EIF2B3: variants seen among roughly 807,000 people sequenced by gnomAD.
EIF2B3 encodes the protein translation initiation factor eIF2B subunit gamma.
Under a neutral mutation model 54.1 loss-of-function variants are expected in EIF2B3, and 20 were observed. The observed-to-expected ratio is 0.37, with a 90% CI of 0.26 to 0.54. EIF2B3 has a LOEUF of 0.54. EIF2B3 is among the 20% of genes least tolerant of loss of function. The pLI is 0.86. For missense variants in EIF2B3, 448 were observed against 547.8 expected, an observed-to-expected ratio of 0.82 and a Z score of 1.82; for synonymous variants, 153 against 188.1, an observed-to-expected ratio of 0.81 and a Z score of 1.52.
At chr1:44,968,353 C>T (rs1002455152) in intron 3 of EIF2B3, among the ~76,000 whole-genome samples, 5 of 146,928 alleles carry the variant, frequency 3.4e-5, no homozygotes, top group South Asian at 2.1e-4. Flanking sequence ...CAGAGTGAGA[C>T]TCTGCCTCTT....
At chr1:44,906,817 A>G (rs1434183579) in intron 5 of EIF2B3, among the ~76,000 whole-genome samples, 2 of 152,196 alleles carry the variant, frequency 1.3e-5, no homozygotes, top group African/African-American at 4.8e-5. Context: ...TGACATCTAT[A>G]TATTAATGCT....
chr1:44,870,928 A>G (rs2148899411), intron 10 of EIF2B3, among the ~76,000 whole-genome samples: 1 of 152,214 alleles, frequency 6.6e-6, no homozygotes, highest in East Asian at 1.9e-4. Flanking sequence ...GACTACAGGC[A>G]TGAGCCACCA....
chr1:44,962,125 G>A (rs1644290875), intron 3 of EIF2B3, among the ~76,000 whole-genome samples: 1 of 152,126 alleles, frequency 6.6e-6, no homozygotes, highest in Admixed American at 6.5e-5. Context: ...CTGGGAGGCA[G>A]AGGTTGCAGT....
At chr1:44,934,573 C>A (rs1328414757) in intron 4 of EIF2B3, among the ~76,000 whole-genome samples, 1 of 151,274 alleles carries the variant, frequency 6.6e-6, no homozygotes, top group South Asian at 2.1e-4. Flanking sequence ...GTGGTGATCC[C>A]AGCTCACTAC....
At chr1:44,983,997 T>G (rs927580396) in intron 1 of EIF2B3, among the ~76,000 whole-genome samples, 2 of 150,482 alleles carry the variant, frequency 1.3e-5, no homozygotes, top group Non-Finnish European at 3.0e-5. Context: ...CATGAGCCAC[T>G]GCGCCCGGCC....
At chr1:44,901,308 G>T (rs1475238562) in intron 5 of EIF2B3, among the ~76,000 whole-genome samples, 2 of 152,112 alleles carry the variant, frequency 1.3e-5, no homozygotes, top group African/African-American at 4.8e-5. Context: ...TAGAGATGGG[G>T]TTTTGCCATG....
At chr1:44,908,822 A>G (rs1295551755) in intron 5 of EIF2B3, among the ~76,000 whole-genome samples, 1 of 152,204 alleles carries the variant, frequency 6.6e-6, no homozygotes, top group African/African-American at 2.4e-5. Flanking sequence ...ACTGGCCCCA[A>G]ACTTCTTCTA....
intron 4 of EIF2B3, among the ~76,000 whole-genome samples, chr1:44,930,149 T>A (rs539061771): frequency 6.6e-6 from 1 of 152,338 alleles, no homozygotes; most frequent in African/African-American, 2.4e-5. Flanking sequence ...ATTTTGCTTA[T>A]CCATTCATTC....
At chr1:44,937,566 A>G (rs1187670902) in intron 4 of EIF2B3, among the ~76,000 whole-genome samples, 1 of 152,182 alleles carries the variant, frequency 6.6e-6, no homozygotes, top group Non-Finnish European at 1.5e-5. Flanking sequence ...ACTAGAGAGC[A>G]TTTCAGGCAA....
intron 9 of EIF2B3, 100 bp from the exon 10 acceptor site, chr1:44,874,926 G>A: frequency 6.9e-7 from 1 of 1,446,974 alleles, no homozygotes; most frequent in South Asian, 1.1e-5. Flanking sequence ...TCTTTCCATA[G>A]AGACACTTCA....
At chr1:44,915,200 T>C (rs1411005440) in intron 5 of EIF2B3, among the ~76,000 whole-genome samples, 1 of 150,978 alleles carries the variant, frequency 6.6e-6, no homozygotes, top group East Asian at 2.0e-4. Flanking sequence ...CTTGGGAGGC[T>C]GAGGCAGGAG....
chr1:44,957,946 C>G (rs769113377), intron 3 of EIF2B3, among the ~76,000 whole-genome samples: 2 of 152,170 alleles, frequency 1.3e-5, no homozygotes, highest in East Asian at 3.9e-4. Flanking sequence ...GCAGTTTTAT[C>G]CTTTGACCCA....
intron 3 of EIF2B3, chr1:44,958,944 C>T (rs986810062): frequency 2.6e-6 from 2 of 781,154 alleles, no homozygotes; most frequent in South Asian, 2.9e-5. Flanking sequence ...TCAGCAAATA[C>T]AAAGCGAGGA....
At chr1:44,932,364 A>T (rs1011873331) in intron 4 of EIF2B3, 2 of 152,176 alleles carry the variant, frequency 1.3e-5, no homozygotes, top group Admixed American at 1.3e-4. Context: ...ATCTCATCTG[A>T]TCTATGCAGG....
intron 2 of EIF2B3, among the ~76,000 whole-genome samples, chr1:44,978,909 T>C (rs1193640803): frequency 2.0e-5 from 3 of 151,868 alleles, no homozygotes; most frequent in Admixed American, 6.6e-5. Context: ...AGTGTTGTGA[T>C]TACAGACGTG....
At chr1:44,953,520 T>C (rs943291006) in intron 3 of EIF2B3, among the ~76,000 whole-genome samples, 1 of 152,204 alleles carries the variant, frequency 6.6e-6, no homozygotes, top group Admixed American at 6.5e-5. Context: ...CTCACGCCTG[T>C]AATCCCAGCA....
chr1:44,870,176 AAGAGAGAGAG>A lies in EIF2B3; in HGVS notation c.1202+4492_1202+4501del, dbSNP rs57863923. ...GACAAAGAGAGACCCCGTCTCAAAA[AAGAGAGAGAG>A]AGAGAGAGAGAGAGAGAGAGAGAAT... is the stretch of plus-strand genomic sequence containing the variant. On this transcript the variant is annotated intron_variant, in intron 10 of 11. Coordinates refer to ENST00000360403, the MANE Select transcript of EIF2B3 (RefSeq NM_020365.5). 8.2e-5 allele frequency among the ~76,000 whole-genome samples: 12 copies of A among 146,212 alleles called. No homozygotes were observed. In the East Asian group the frequency reaches 1.0e-3, roughly 12 times the overall value.
At chr1:44,877,504 G>A (rs560326846) in intron 8 of EIF2B3, among the ~76,000 whole-genome samples, 12 of 152,210 alleles carry the variant, frequency 7.9e-5, no homozygotes, top group African/African-American at 1.4e-4. Flanking sequence ...GGAACACCCC[G>A]CATCCTGATC....
chr1:44,965,163 G>A (rs1267484663), intron 3 of EIF2B3, among the ~76,000 whole-genome samples: 5 of 152,150 alleles, frequency 3.3e-5, no homozygotes, highest in African/African-American at 9.7e-5. Flanking sequence ...TAGAGAAAGA[G>A]ATCAACAAGC....
Sources: gnomAD v4.1 joint callset for allele counts (sites outside exome capture counted in the v4.1 genomes callset) on GRCh38, gnomAD v4.1.1 for gene constraint, MANE v1.5 for transcripts, NCBI Gene and HGNC (gene_info 2026-07-23, HGNC 2026-07-21) for gene names.